ZKSCAN1: variants seen among roughly 807,000 people sequenced by gnomAD.
ZKSCAN1 encodes zinc finger protein with KRAB and SCAN domains 1.
A neutral mutation model predicts 51.6 loss-of-function variants in ZKSCAN1; 14 were observed. The observed-to-expected ratio is 0.27, with a 90% confidence interval of 0.18 to 0.42. The LOEUF (loss-of-function observed/expected upper bound fraction) is 0.42, where lower values mean the gene tolerates loss of function less well. Ranked by LOEUF, ZKSCAN1 falls within the 10% of genes least tolerant of loss-of-function variation. The pLI, the probability that ZKSCAN1 is intolerant of heterozygous loss-of-function variation, is 1.00. For synonymous variants in ZKSCAN1, 263 were observed against 261.5 expected, an observed-to-expected ratio of 1.01 and a Z score of -0.06; for missense variants, 531 against 710.0, an observed-to-expected ratio of 0.75 and a Z score of 2.86.
Position 100,037,372 on chromosome 7 carries a change from A to G in ZKSCAN1, c.*3175A>G. Reference sequence around the variant, plus strand: ...CTACTCCAGCCTGGCAGGCAAGGCTAAAACCTGAGATTATCGATCTATGAG... The same window carrying G: ...CTACTCCAGCCTGGCAGGCAAGGCTGAAACCTGAGATTATCGATCTATGAG... On this transcript the variant is annotated 3_prime_UTR_variant, in exon 6 of 6. Transcript: ENST00000324306. The G allele has an allele frequency of 1.0e-6, 1 of 985,474 alleles. No individual in the cohort carries two copies. The highest frequency in any genetic ancestry group is 1.2e-6 in the Non-Finnish European group (1 of 829,936). 61.0% of individuals were successfully genotyped at this position (985,474 alleles called of 1,614,324 possible). A position where few individuals can be genotyped will look rare whatever the true frequency, so the allele number is the denominator to read the frequency against.
chr7:100,022,329 A>G (rs892461587), intron 1 of ZKSCAN1, among the ~76,000 whole-genome samples: 5 of 152,248 alleles, frequency 3.3e-5, no homozygotes, highest in African/African-American at 1.2e-4. Flanking sequence ...TTGGGATTAT[A>G]GGCATGAGCC....
At chr7:100,015,836 G>C (rs1261759212) in intron 1 of ZKSCAN1, 110 bp downstream of exon 1, 1 of 152,340 alleles carries the variant, frequency 6.6e-6, no homozygotes, top group Non-Finnish European at 1.5e-5. Context: ...CGGCCCCGCT[G>C]TTGTGCGAAG....
rs920030249 is a variant in ZKSCAN1 at position 100,037,393 on chromosome 7, A to G, written c.*3196A>G. ...GGCTAAAACCTGAGATTATCGATCT[A>G]TGAGACATCTTGATATGTAAAGCAC... On this transcript the variant is annotated 3_prime_UTR_variant, in exon 6 of 6. Transcript: ENST00000324306. 1.6e-5 allele frequency: 16 copies of G among 985,342 alleles called. No homozygotes were observed. Among genetic ancestry groups the G allele is most frequent in the East Asian group, 2.3e-4 (2 of 8,828 alleles). The allele number at this position is 985,342 out of a possible 1,614,324, so 61.0% of individuals were successfully genotyped here.
At position 100,037,533 on chromosome 7, in the gene ZKSCAN1, G is replaced by A; in HGVS notation, c.*3336G>A. The A allele has an allele frequency of 1.0e-6, 1 of 985,470 alleles. No homozygotes were observed. The highest frequency in any genetic ancestry group is 1.2e-6 in the Non-Finnish European group (1 of 829,942). 61.0% of individuals were successfully genotyped at this position (985,470 alleles called of 1,614,324 possible). A position where few individuals can be genotyped will look rare whatever the true frequency, so the allele number is the denominator to read the frequency against. ...AATTTATTCCAGAAAGGAGCCTCCT[G>A]AATGTGATGAATACGGCAAAGCCTT... On this transcript the variant is annotated 3_prime_UTR_variant, in exon 6 of 6. Transcript: ENST00000324306.
downstream of ZKSCAN1, among the ~76,000 whole-genome samples, chr7:100,043,771 A>ATTTTTTTTTTT (rs772298225): frequency 1.7e-5 from 1 of 58,922 alleles, no homozygotes; most frequent in Non-Finnish European, 3.0e-5. Flanking sequence ...TTCTTTCTTG[A>ATTTTTTTTTTT]TTTTTTTTTT....
chr7:100,016,471 G>T (rs972364550), intron 1 of ZKSCAN1, among the ~76,000 whole-genome samples: 1 of 152,172 alleles, frequency 6.6e-6, no homozygotes, highest in African/African-American at 2.4e-5. Context: ...TGTGGAAATT[G>T]CACTGTGTCA....
chr7:100,037,294 C>T lies in ZKSCAN1; in HGVS notation c.*3097C>T, dbSNP rs1184351507. On this transcript the variant is annotated 3_prime_UTR_variant, in exon 6 of 6. Coordinates refer to ENST00000324306, the MANE Select transcript of ZKSCAN1 (RefSeq NM_003439.4). Reference sequence around the variant, plus strand: ...TTTTGAAGAGTTTTTCAATATATACCCTACCCTTGCCAGGAAGAGAAGTAA... The same window carrying T: ...TTTTGAAGAGTTTTTCAATATATACTCTACCCTTGCCAGGAAGAGAAGTAA... 1.1e-5 allele frequency: 11 copies of T among 985,252 alleles called. No individual in the cohort carries two copies. The highest frequency in any genetic ancestry group is 1.3e-5 in the Non-Finnish European group (11 of 829,892). 61.0% of individuals were successfully genotyped at this position (985,252 alleles called of 1,614,324 possible). A position where few individuals can be genotyped will look rare whatever the true frequency, so the allele number is the denominator to read the frequency against.
chr7:100,021,918 C>T (rs2115837137), intron 1 of ZKSCAN1, among the ~76,000 whole-genome samples: 1 of 151,588 alleles, frequency 6.6e-6, no homozygotes, highest in Non-Finnish European at 1.5e-5. Context: ...TAATTTTTTT[C>T]TTTTTCATAG....
intron 1 of ZKSCAN1, among the ~76,000 whole-genome samples, chr7:100,021,715 A>G: frequency 6.6e-6 from 1 of 151,032 alleles, no homozygotes. Context: ...TGTGTCCTGT[A>G]ATTGCAGTTT....
At chr7:100,017,348 G>A (rs1219750859) in intron 1 of ZKSCAN1, among the ~76,000 whole-genome samples, 5 of 152,094 alleles carry the variant, frequency 3.3e-5, no homozygotes, top group East Asian at 1.9e-4. Flanking sequence ...TCCGCCTCCC[G>A]AATAGCTGGG....
In ZKSCAN1 at chr7:100,039,709, A is replaced by G; in HGVS notation, c.*5512A>G. On this transcript the variant is annotated 3_prime_UTR_variant, in exon 6 of 6. Transcript: ENST00000324306. Reference sequence around the variant, plus strand: ...GGAGTAACAGAACTGAAATACACTTAAACAGTGACAGCAGTACTTCCCAGG... The same window carrying G: ...GGAGTAACAGAACTGAAATACACTTGAACAGTGACAGCAGTACTTCCCAGG... The G allele has an allele frequency of 1.0e-6, 1 of 985,418 alleles. No homozygotes were observed. Among genetic ancestry groups the G allele is most frequent in the Non-Finnish European group, 1.2e-6 (1 of 829,932 alleles). 61.0% of individuals were successfully genotyped at this position (985,418 alleles called of 1,614,324 possible).
intron 4 of ZKSCAN1, 105 bp downstream of exon 4, chr7:100,030,057 G>A: frequency 6.9e-7 from 1 of 1,445,110 alleles, no homozygotes; most frequent in Non-Finnish European, 9.6e-7. Context: ...TGCTCTCAAA[G>A]AAGCCCCAAC....
At chr7:100,023,003 G>T (rs186342431) in intron 1 of ZKSCAN1, among the ~76,000 whole-genome samples, 141 of 151,954 alleles carry the variant, frequency 9.3e-4, no homozygotes, top group Middle Eastern at 3.4e-3. Context: ...TTTTTTCCTC[G>T]ATTTGTCAGG....
At chr7:100,018,749 A>C (rs1790478441) in intron 1 of ZKSCAN1, among the ~76,000 whole-genome samples, 1 of 152,188 alleles carries the variant, frequency 6.6e-6, no homozygotes, top group Admixed American at 6.5e-5. Context: ...GAGACAGAAG[A>C]GTATGTGCTC....
Position 100,039,798 on chromosome 7 carries a change from GT to G in ZKSCAN1, c.*5605del. 1 of 985,374 alleles carries G rather than the reference GT, an allele frequency of 1.0e-6. No homozygotes were observed. Among genetic ancestry groups the G allele is most frequent in the Non-Finnish European group, 1.2e-6 (1 of 829,924 alleles). The allele number at this position is 985,374 out of a possible 1,614,324, so 61.0% of individuals were successfully genotyped here. A position where few individuals can be genotyped will look rare whatever the true frequency, so the allele number is the denominator to read the frequency against. On this transcript the variant is annotated 3_prime_UTR_variant, in exon 6 of 6. Transcript: ENST00000324306. ...TTCTCAGAGATACGAGGGGGCTAGG[GT>G]TTTCCCATCTGGGAAATGGGGTGAA... is the stretch of plus-strand genomic sequence containing the variant.
At position 100,033,688 on chromosome 7, in the gene ZKSCAN1, C is replaced by T. The variant is rs1324206106; in HGVS notation, c.1183C>T (p.His395Tyr). The change falls in exon 6 of 6, where the codon CAT becomes TAT. Residue 395 changes from histidine to tyrosine, a missense_variant. Around this residue, in one of 2 missense-constraint regions of ZKSCAN1, gnomAD observed 128 missense variants for 219.5 expected, o/e 0.58. Transcript: ENST00000324306. This position sits in a 1 kb window ranked among gnomAD's most constrained non-coding sequence, Gnocchi z 4.1. ...CFTRSSSLIR[H>Y]KIIHTGEKPY... The stretch of plus-strand genomic sequence containing the variant: ...CACGAGAAGTTCAAGCCTTATCCGC[C>T]ATAAAATAATCCACACTGGAGAAAA... The T allele has an allele frequency of 6.2e-7, 1 of 1,614,066 alleles. No homozygotes were observed. Among genetic ancestry groups the T allele is most frequent in the Non-Finnish European group, 8.5e-7 (1 of 1,180,044 alleles).
At chr7:100,027,940 C>T (rs1790914967) in intron 3 of ZKSCAN1, among the ~76,000 whole-genome samples, 1 of 152,010 alleles carries the variant, frequency 6.6e-6, no homozygotes, top group Non-Finnish European at 1.5e-5. Context: ...AAGATCCTGG[C>T]ACACACAGTT....
Position 100,033,033 on chromosome 7 carries a change from G to A in ZKSCAN1, c.800-272G>A, listed in dbSNP as rs188540560. Among the ~76,000 whole-genome samples the A allele has an allele frequency of 2.0e-5, 3 of 151,636 alleles. No individual in the cohort carries two copies. The highest frequency in any genetic ancestry group is 1.9e-4 in the East Asian group (1 of 5,156). ...AAAAAAAAAAAAAAGTTACCCGGGC[G>A]TGGTAGCATGCACCTATAGTCCCAG... On this transcript the variant is annotated intron_variant, in intron 5 of 5. Coordinates refer to ENST00000324306, the MANE Select transcript of ZKSCAN1 (RefSeq NM_003439.4). This position sits in a 1 kb window ranked among gnomAD's most constrained non-coding sequence, Gnocchi z 4.1.
rs73395910 is a variant in ZKSCAN1 at position 100,037,731 on chromosome 7, A to G, written c.*3534A>G. 6.1e-3 allele frequency: 6,029 copies of G among 985,442 alleles called. 303 individuals are homozygous for G. In the African/African-American group the frequency reaches 0.1, roughly 16 times the overall value. 61.0% of individuals were successfully genotyped at this position (985,442 alleles called of 1,614,324 possible). ...GAGAAACATTGCAAGAGGGAGCTCA[A>G]TCTTGGCCGGGCGCCGTGGCTCACG... is the stretch of plus-strand genomic sequence containing the variant. On this transcript the variant is annotated 3_prime_UTR_variant, in exon 6 of 6. Coordinates refer to ENST00000324306, the MANE Select transcript of ZKSCAN1 (RefSeq NM_003439.4).
Sources: gnomAD v4.1 joint callset for allele counts (sites outside exome capture counted in the v4.1 genomes callset) on GRCh38, gnomAD v4.1.1 for gene constraint, gnomAD v4.1.1 regional missense constraint, Gnocchi (gnomAD v3.1) non-coding constraint, MANE v1.5 for transcripts, NCBI Gene and HGNC (gene_info 2026-07-23, HGNC 2026-07-21) for gene names.